The following CDS2 variants were observed in gnomAD, a reference collection of about 807,000 sequenced individuals.
CDS2 encodes the protein CDP-diacylglycerol synthase 2, also known as phosphatidate cytidylyltransferase 2.
In CDS2, 47 loss-of-function variants were observed where a neutral mutation model predicts 59.0. The ratio of observed to expected loss-of-function variants is 0.80; its 90% CI spans 0.63 to 1.02. The LOEUF (loss-of-function observed/expected upper bound fraction) is 1.02, where lower values mean the gene tolerates loss of function less well. Ranked by LOEUF, CDS2 falls within the 50% of genes least tolerant of loss-of-function variation. The pLI, the probability that CDS2 is intolerant of heterozygous loss-of-function variation, is 0.00. For synonymous variants in CDS2, 207 were observed against 206.4 expected (o/e 1.00, Z -0.02); for missense variants, 356 against 558.9 (o/e 0.64, Z 3.66).
chr20:5,138,040 G>A (rs2090662601), intron 1 of CDS2, among the ~76,000 whole-genome samples: 2 of 151,564 alleles, frequency 1.3e-5, no homozygotes, highest in Admixed American at 6.6e-5. Flanking sequence ...CTCGTGATGC[G>A]CATGTCTCAG....
chr20:5,128,789 T>A (rs1397686549), intron 1 of CDS2: 1 of 152,192 alleles, frequency 6.6e-6, no homozygotes, highest in Non-Finnish European at 1.5e-5. Context: ...TAGCTCTGTT[T>A]AAGGGTGAGA....
chr20:5,168,270 C>T (rs963272859), intron 1 of CDS2, among the ~76,000 whole-genome samples: 8 of 151,728 alleles, frequency 5.3e-5, no homozygotes, highest in Admixed American at 5.3e-4. Flanking sequence ...TAAAAATTAT[C>T]TGGGCGTGTT....
intron 1 of CDS2, among the ~76,000 whole-genome samples, chr20:5,129,476 T>G (rs1600459370): frequency 6.7e-6 from 1 of 149,352 alleles, no homozygotes; most frequent in African/African-American, 2.5e-5. Context: ...GGAGTTTCGC[T>G]CTTTTGCCCA....
At chr20:5,183,220 G>GGCCC (rs1052775046) in intron 7 of CDS2, 77 bp downstream of exon 7, 2 of 1,219,262 alleles carry the variant, frequency 1.6e-6, no homozygotes, top group Non-Finnish European at 2.4e-6. Flanking sequence ...CTAAGCCAGT[G>GGCCC]GCCCTCACCT....
intron 1 of CDS2, among the ~76,000 whole-genome samples, chr20:5,129,425 C>T (rs1306067730): frequency 4.0e-5 from 6 of 150,586 alleles, no homozygotes; most frequent in East Asian, 3.9e-4. Flanking sequence ...TATAGGCATC[C>T]GCCACCACGC....
At chr20:5,143,339 A>G (rs75509480) in intron 1 of CDS2, among the ~76,000 whole-genome samples, 252 of 152,332 alleles carry the variant, frequency 1.7e-3, no homozygotes, top group African/African-American at 5.7e-3. Flanking sequence ...TGCTTGAGGG[A>G]GTATAGATTG....
chr20:5,145,725 T>C (rs1255818508), intron 1 of CDS2, among the ~76,000 whole-genome samples: 1 of 152,158 alleles, frequency 6.6e-6, no homozygotes, highest in Non-Finnish European at 1.5e-5. Flanking sequence ...TTGCTGTACT[T>C]ACTGACATTC....
rs776952323 is a variant in CDS2, at chr20:5,183,042, A to G, written c.589-19A>G. 1 of 1,608,568 alleles carries G rather than the reference A, an allele frequency of 6.2e-7. No homozygotes were observed. Among genetic ancestry groups the G allele is most frequent in the African/African-American group, 1.3e-5 (1 of 74,808 alleles). On this transcript the variant is annotated intron_variant, in intron 6 of 12. Coordinates refer to ENST00000460006, the MANE Select transcript of CDS2 (RefSeq NM_003818.4). ...CAAGGTAAACTGGTAAGTAGTGTTT[A>G]TTTTTCTTTTTTTTGCAGTTTGGCT... is the stretch of plus-strand genomic sequence containing the variant.
chr20:5,142,273 C>T (rs6053151), intron 1 of CDS2, among the ~76,000 whole-genome samples: 3 of 151,952 alleles, frequency 2.0e-5, no homozygotes, highest in Admixed American at 1.3e-4. Context: ...ATGGTGAAAC[C>T]CCATCTCTAC....
intron 1 of CDS2, among the ~76,000 whole-genome samples, chr20:5,148,145 G>A (rs761141149): frequency 5.9e-5 from 9 of 152,158 alleles, no homozygotes; most frequent in Non-Finnish European, 1.3e-4. Context: ...TTAACAAGAT[G>A]ACTTTGGATT....
At position 5,175,173 on chromosome 20, in the gene CDS2, T is replaced by G. The variant is rs1226084707; in HGVS notation, c.195-10T>G. ...CTGGTGTTTTCTCCTTCCCCTGCTC[T>G]CTGACCTAGATGGAAGAACTGGTGG... On this transcript the variant is annotated splice_polypyrimidine_tract_variant and intron_variant, in intron 2 of 12. Transcript: ENST00000460006. 1 of 1,610,450 alleles carries G rather than the reference T, an allele frequency of 6.2e-7. No homozygotes were observed. The highest frequency in any genetic ancestry group is 1.1e-5 in the South Asian group (1 of 91,008).
intron 1 of CDS2, among the ~76,000 whole-genome samples, chr20:5,153,122 A>C (rs2090805791): frequency 6.6e-6 from 1 of 152,196 alleles, no homozygotes; most frequent in African/African-American, 2.4e-5. Flanking sequence ...AGGAGTAAAT[A>C]CAACTTACAG....
Position 5,189,086 on chromosome 20 carries a change from C to T in CDS2, c.1001C>T (p.Pro334Leu). 2.5e-6 allele frequency: 4 copies of T among 1,614,170 alleles called. No individual in the cohort carries two copies. Among genetic ancestry groups the T allele is most frequent in the Non-Finnish European group, 3.4e-6 (4 of 1,180,014 alleles). The change falls in exon 11 of 13, where the codon CCC (proline) becomes CTC (leucine). Residue 334 changes from proline (P) to leucine (L), a missense_variant. Transcript: ENST00000460006. ...TCTCAGAAAACGGTCCGGATGTACC[C>T]CTTCCAGATTCACAGCATCGCTCTC... is the stretch of plus-strand genomic sequence containing the variant. Reference protein sequence around the residue: ...VIGWKTVRMYPFQIHSIALST... With the variant: ...VIGWKTVRMYLFQIHSIALST...
At chr20:5,178,370 A>G (rs770172027) in intron 4 of CDS2, among the ~76,000 whole-genome samples, 1 of 152,202 alleles carries the variant, frequency 6.6e-6, no homozygotes, top group Non-Finnish European at 1.5e-5. Flanking sequence ...AGCAAAGAGA[A>G]TGTCAGGAGC....
At chr20:5,179,651 A>C (rs1278357293) in intron 5 of CDS2, among the ~76,000 whole-genome samples, 1 of 152,204 alleles carries the variant, frequency 6.6e-6, no homozygotes, top group Non-Finnish European at 1.5e-5. Context: ...GCATGGTGGA[A>C]ATTTTACTGG....
At chr20:5,132,507 A>C (rs1300415007) in intron 1 of CDS2, among the ~76,000 whole-genome samples, 2 of 152,226 alleles carry the variant, frequency 1.3e-5, no homozygotes, top group Non-Finnish European at 2.9e-5. Context: ...TTTATAATTA[A>C]AAATGGTTTT....
At chr20:5,164,771 C>T (rs1313443908) in intron 1 of CDS2, among the ~76,000 whole-genome samples, 1 of 152,150 alleles carries the variant, frequency 6.6e-6, no homozygotes, top group Non-Finnish European at 1.5e-5. Context: ...TGGTGTCTTT[C>T]CCCTAACCCT....
chr20:5,170,777 G>GT (rs772849657), intron 1 of CDS2, among the ~76,000 whole-genome samples: 2 of 152,210 alleles, frequency 1.3e-5, no homozygotes, highest in African/African-American at 4.8e-5. Flanking sequence ...TTGTTCAGTG[G>GT]TTTTTTGAAA....
At chr20:5,137,811 T>C (rs2090659999) in intron 1 of CDS2, among the ~76,000 whole-genome samples, 1 of 151,736 alleles carries the variant, frequency 6.6e-6, no homozygotes, top group South Asian at 2.1e-4. Flanking sequence ...TTTTTGTTTT[T>C]TTTTTGAGAC....
Sources: gnomAD v4.1 joint callset for allele counts (sites outside exome capture counted in the v4.1 genomes callset) on GRCh38, gnomAD v4.1.1 for gene constraint, MANE v1.5 for transcripts, NCBI Gene and HGNC (gene_info 2026-07-23, HGNC 2026-07-21) for gene names.